The following NPAS3 variants were observed in gnomAD, a reference collection of about 807,000 sequenced individuals.
NPAS3 encodes neuronal PAS domain-containing protein 3.
In NPAS3, 14 loss-of-function variants were observed where a neutral mutation model predicts 73.1. The ratio of observed to expected loss-of-function variants is 0.19; its 90% confidence interval spans 0.13 to 0.30. The LOEUF (loss-of-function observed/expected upper bound fraction) is 0.30, where lower values mean the gene tolerates loss of function less well. Ranked by LOEUF, NPAS3 falls within the 10% of genes least tolerant of loss-of-function variation. The pLI is 1.00. For synonymous variants in NPAS3, 620 were observed against 541.5 expected (o/e 1.14, Z -2.01); for missense variants, 1,096 against 1,250.0 (o/e 0.88, Z 1.86).
chr14:33,043,611 T>C (rs913836441), intron 1 of NPAS3, among the ~76,000 whole-genome samples: 1 of 152,162 alleles, frequency 6.6e-6, no homozygotes, highest in African/African-American at 2.4e-5. Context: ...TCAAGACTAC[T>C]TGTGGTTCTA....
At chr14:33,778,636 G>C (rs1948649251) in intron 9 of NPAS3, 64 bp downstream of exon 9, 3 of 1,075,522 alleles carry the variant, frequency 2.8e-6, no homozygotes, top group Admixed American at 3.4e-5. Flanking sequence ...GGCTTGTTTG[G>C]TTTCAGTGCT....
chr14:33,363,472 T>A (rs1238587835), intron 3 of NPAS3, among the ~76,000 whole-genome samples: 2 of 152,212 alleles, frequency 1.3e-5, no homozygotes, highest in African/African-American at 4.8e-5. Flanking sequence ...CATTTTGGAT[T>A]TCTGAGACAA....
intron 4 of NPAS3, among the ~76,000 whole-genome samples, chr14:33,406,932 A>T (rs1272103259): frequency 2.0e-5 from 3 of 152,058 alleles, no homozygotes; most frequent in Admixed American, 2.0e-4. Flanking sequence ...TCCCACTGGA[A>T]TTGCCCTACA....
intron 5 of NPAS3, among the ~76,000 whole-genome samples, chr14:33,644,995 C>T (rs759957290): frequency 9.3e-5 from 14 of 150,510 alleles, no homozygotes; most frequent in South Asian, 4.3e-4. Context: ...GCAGGAGAAT[C>T]GCTTGAAACC....
intron 2 of NPAS3, among the ~76,000 whole-genome samples, chr14:33,202,402 T>TAA (rs1034997542): frequency 6.8e-6 from 1 of 147,594 alleles, no homozygotes; most frequent in Non-Finnish European, 1.5e-5. Flanking sequence ...GACCCTGTCT[T>TAA]AAAAAAAAAA....
At chr14:33,034,914 G>A (rs1006220964) in intron 1 of NPAS3, among the ~76,000 whole-genome samples, 1 of 152,134 alleles carries the variant, frequency 6.6e-6, no homozygotes, top group Non-Finnish European at 1.5e-5. Flanking sequence ...CTTTGGAAAA[G>A]TTGTGTTAAG....
chr14:33,612,398 T>C (rs1374346076), intron 5 of NPAS3: 2 of 455,926 alleles, frequency 4.4e-6, no homozygotes, highest in Admixed American at 2.3e-5. Flanking sequence ...TTTTCTACCC[T>C]CCACAGGCAC....
At chr14:33,629,914 A>T (rs942253145) in intron 5 of NPAS3, among the ~76,000 whole-genome samples, 1 of 152,124 alleles carries the variant, frequency 6.6e-6, no homozygotes, top group African/African-American at 2.4e-5. Flanking sequence ...AGCCAGCAAG[A>T]TTCTTTGAGA....
intron 1 of NPAS3, among the ~76,000 whole-genome samples, chr14:32,948,444 C>T (rs145999644): frequency 0.012 from 1,824 of 152,168 alleles, 33 homozygotes; most frequent in African/African-American, 0.042. Flanking sequence ...TAAAATGTTA[C>T]TTGAAGTATA....
At chr14:33,513,571 A>G (rs953802421) in intron 4 of NPAS3, among the ~76,000 whole-genome samples, 2 of 152,062 alleles carry the variant, frequency 1.3e-5, no homozygotes, top group African/African-American at 4.8e-5. Context: ...AGGGAGGTCA[A>G]GTAACTTGCC....
chr14:33,192,241 T>C (rs1440740124), intron 2 of NPAS3, among the ~76,000 whole-genome samples: 3 of 152,056 alleles, frequency 2.0e-5, no homozygotes, highest in Non-Finnish European at 4.4e-5. Context: ...AGAAAAACAA[T>C]ATGAAGCAAT....
At chr14:33,308,525 T>TACACACACACACACACACACAC (rs1280716729) in intron 3 of NPAS3, among the ~76,000 whole-genome samples, 60 of 82,454 alleles carry the variant, frequency 7.3e-4, no homozygotes, top group African/African-American at 2.9e-3. Flanking sequence ...TATATATATA[T>TACACACACACACACACACACAC]ATACATACAC....
chr14:33,209,027 C>T (rs574941658), intron 2 of NPAS3, among the ~76,000 whole-genome samples: 5 of 152,276 alleles, frequency 3.3e-5, no homozygotes, highest in Admixed American at 1.3e-4. Context: ...CTATGAGCAG[C>T]GCATTAGTTA....
At chr14:33,445,153 C>T (rs1318865200) in intron 4 of NPAS3, among the ~76,000 whole-genome samples, 3 of 152,226 alleles carry the variant, frequency 2.0e-5, no homozygotes, top group Non-Finnish European at 4.4e-5. Context: ...TACACACCCT[C>T]TGTCATTGTT....
Position 33,357,020 on chromosome 14 carries a change from G to A in NPAS3, c.386-10166G>A, listed in dbSNP as rs72680124. 2.4e-3 allele frequency among the ~76,000 whole-genome samples: 368 copies of A among 152,266 alleles called. 1 individual carries two copies. Among genetic ancestry groups the A allele is most frequent in the Non-Finnish European group, 4.2e-3 (286 of 68,030 alleles). On this transcript the variant is annotated intron_variant, in intron 3 of 11. Coordinates refer to ENST00000356141, the Ensembl canonical transcript of NPAS3. ...TCTCCAAATTGTGCTCCTCTTTCTT[G>A]TTTATTTTCTAACTTTCCCTAAATC... is the stretch of plus-strand genomic sequence containing the variant.
chr14:33,443,061 T>C (rs2049324568), intron 4 of NPAS3, among the ~76,000 whole-genome samples: 1 of 152,232 alleles, frequency 6.6e-6, no homozygotes, highest in South Asian at 2.1e-4. Context: ...AGCAAATCAG[T>C]AGAAGAGAGA....
intron 7 of NPAS3, among the ~76,000 whole-genome samples, chr14:33,757,527 G>A (rs2062151796): frequency 6.6e-6 from 1 of 152,176 alleles, no homozygotes; most frequent in Non-Finnish European, 1.5e-5. Flanking sequence ...GACCAGAGTG[G>A]GGAAGAATAC....
At chr14:33,737,659 C>A (rs1411144496) in intron 7 of NPAS3, among the ~76,000 whole-genome samples, 2 of 152,112 alleles carry the variant, frequency 1.3e-5, no homozygotes, top group East Asian at 3.9e-4. Context: ...AGTGAACTTC[C>A]CTCATTAATT....
At chr14:33,534,725 A>G (rs1463063260) in intron 4 of NPAS3, among the ~76,000 whole-genome samples, 1 of 152,142 alleles carries the variant, frequency 6.6e-6, no homozygotes, top group African/African-American at 2.4e-5. Flanking sequence ...CTGAAAATAA[A>G]TAGAAAGGGG....
Sources: allele counts gnomAD v4.1 joint callset (sites outside exome capture counted in the v4.1 genomes callset), GRCh38; gene constraint gnomAD v4.1.1; transcripts MANE v1.5; gene names NCBI Gene and HGNC (gene_info 2026-07-23, HGNC 2026-07-21).